Variants in NDUFS1 observed in about 807,000 individuals in gnomAD.
The protein encoded by NDUFS1 is NADH-ubiquinone oxidoreductase 75 kDa subunit, mitochondrial.
A neutral mutation model predicts 84.4 loss-of-function variants in NDUFS1; 61 were observed. The ratio of observed to expected loss-of-function variants is 0.72; its 90% CI spans 0.59 to 0.89. The LOEUF is 0.89. Among genes scored for constraint, NDUFS1 ranks in the 40% least tolerant of loss-of-function variants. NDUFS1 has a pLI of 0.00. For missense variants in NDUFS1, 891 were observed against 890.0 expected, an observed-to-expected ratio of 1.00 and a Z score of -0.01; for synonymous variants, 275 against 290.0, an observed-to-expected ratio of 0.95 and a Z score of 0.53.
chr2:206,129,822 C>T (rs1289922506), intron 15 of NDUFS1, among the ~76,000 whole-genome samples: 2 of 151,902 alleles, frequency 1.3e-5, no homozygotes, highest in Admixed American at 1.3e-4. Context: ...GAACTCCTGA[C>T]CTCAGGTGAT....
Position 206,149,933 on chromosome 2 carries a change from TAAAAAAAA to T in NDUFS1, c.154-16_154-9del. Reference sequence around the variant, plus strand: ...GCCAACCTTCTCACAAGCCTAGAAGTAAAAAAAAAAAAAAAAAAAAAAAAAGCATTAGA... The same window carrying T: ...GCCAACCTTCTCACAAGCCTAGAAGTAAAAAAAAAAAAAAAAAGCATTAGA... On this transcript the variant is annotated splice_polypyrimidine_tract_variant and intron_variant, in intron 3 of 18. Coordinates refer to ENST00000233190, the MANE Select transcript of NDUFS1 (RefSeq NM_005006.7). 592 of 601,252 alleles carry T rather than the reference TAAAAAAAA, an allele frequency of 9.8e-4. No individual in the cohort carries two copies. Among genetic ancestry groups the T allele is most frequent in the Middle Eastern group, 1.6e-3 (3 of 1,890 alleles). 37.2% of individuals were successfully genotyped at this position (601,252 alleles called of 1,614,324 possible). A position where few individuals can be genotyped will look rare whatever the true frequency, so the allele number is the denominator to read the frequency against.
intron 3 of NDUFS1, among the ~76,000 whole-genome samples, chr2:206,151,252 T>C (rs527258705): frequency 2.6e-5 from 4 of 152,348 alleles, no homozygotes; most frequent in African/African-American, 9.6e-5. Flanking sequence ...GACTGGACCT[T>C]CCCTTCCTCA....
intron 1 of NDUFS1, among the ~76,000 whole-genome samples, chr2:206,158,382 C>T (rs537131039): frequency 1.3e-5 from 2 of 152,326 alleles, no homozygotes; most frequent in South Asian, 4.1e-4. Context: ...TCCTTCAAAT[C>T]TTGGCTTAAA....
At chr2:206,155,113 ATTTATTTAT>A (rs1257681190) in intron 1 of NDUFS1, among the ~76,000 whole-genome samples, 1 of 149,878 alleles carries the variant, frequency 6.7e-6, no homozygotes, top group Non-Finnish European at 1.5e-5. Context: ...TATTTTTATT[ATTTATTTAT>A]TTTATTTATT....
intron 3 of NDUFS1, among the ~76,000 whole-genome samples, chr2:206,151,912 C>A (rs982851398): frequency 2.0e-5 from 3 of 152,184 alleles, no homozygotes; most frequent in Admixed American, 2.0e-4. Flanking sequence ...GTTGCCCAGG[C>A]TGGAGTGCAG....
At chr2:206,152,262 T>C (rs1692398087) in intron 3 of NDUFS1, among the ~76,000 whole-genome samples, 157 bp downstream of exon 3, 1 of 152,274 alleles carries the variant, frequency 6.6e-6, no homozygotes, top group Admixed American at 6.5e-5. Context: ...TAGCTCACTT[T>C]GAAGTGCCAA....
intron 1 of NDUFS1, among the ~76,000 whole-genome samples, chr2:206,155,533 T>A (rs1326419498): frequency 6.6e-6 from 1 of 152,150 alleles, no homozygotes; most frequent in Non-Finnish European, 1.5e-5. Context: ...CAAGCAATTC[T>A]CAGCCTCCCG....
At chr2:206,159,258 G>T (rs1431677185) in intron 1 of NDUFS1, 83 bp downstream of exon 1, 2 of 928,338 alleles carry the variant, frequency 2.2e-6, no homozygotes, top group East Asian at 2.6e-5. Flanking sequence ...AGACTACGTC[G>T]CGTGGGCCAA....
Position 206,130,113 on chromosome 2 carries a change from T to C in NDUFS1, c.1683A>G (p.Pro561=), listed in dbSNP as rs1691447442. The C allele has an allele frequency of 1.9e-6, 3 of 1,614,202 alleles. No individual in the cohort carries two copies. In the East Asian group the frequency reaches 6.7e-5, roughly 36 times the overall value. Residue 561 remains proline, a synonymous_variant, in exon 15 of 19, where the codon CCA becomes CCG. Transcript: ENST00000233190. The part of the protein sequence containing the change: ...DGGCITRQDL[P]KDCFIIYQGH... ...CTTGATAAATAATGAAACAATCCTT[T>C]GGCAAATCCTGTCGTGTGATACAAC...
At position 206,121,978 on chromosome 2, in the gene NDUFS1, T is replaced by C. The variant is rs1317813967; in HGVS notation, c.*2207A>G. The C allele has an allele frequency of 1.3e-5, 2 of 152,176 alleles. No individual in the cohort carries two copies. The highest frequency in any genetic ancestry group is 4.8e-5 in the African/African-American group (2 of 41,436). 9.4% of individuals were successfully genotyped at this position (152,176 alleles called of 1,614,324 possible). ...GAGCACAGTGCTAAGAGGTAAGAGA[T>C]GGGAAGTTTGTATTAAGTTCAAACA... On this transcript the variant is annotated 3_prime_UTR_variant, in exon 19 of 19. Coordinates refer to ENST00000233190, the MANE Select transcript of NDUFS1 (RefSeq NM_005006.7).
chr2:206,140,131 G>A (rs1175151211), intron 12 of NDUFS1, among the ~76,000 whole-genome samples: 1 of 152,124 alleles, frequency 6.6e-6, no homozygotes, highest in Non-Finnish European at 1.5e-5. Context: ...GAACACTTGA[G>A]CTCAGGAGTT....
rs2105943631 is a variant in NDUFS1, at chr2:206,126,612, C to T, written c.2020-1G>A. On this transcript the variant is annotated splice_acceptor_variant, in intron 17 of 18. Transcript: ENST00000233190. LOFTEE classifies it high-confidence loss of function. ...CAGCAAGAAGCTGCTGGTTCACTAG[C>T]TGCACAAAAAAGAAGAGATCAACAA... 1 of 1,614,010 alleles carries T rather than the reference C, an allele frequency of 6.2e-7. No homozygotes were observed. Among genetic ancestry groups the T allele is most frequent in the Non-Finnish European group, 8.5e-7 (1 of 1,179,992 alleles).
At chr2:206,154,840 G>C (rs1034265390) in intron 1 of NDUFS1, among the ~76,000 whole-genome samples, 3 of 151,622 alleles carry the variant, frequency 2.0e-5, no homozygotes, top group Admixed American at 6.6e-5. Context: ...GGCCAGGCTG[G>C]TCTCGAACTC....
rs572892566 is a variant in NDUFS1, at chr2:206,154,826, T to C, written c.-4-1144A>G. On this transcript the variant is annotated intron_variant, in intron 1 of 18. Transcript: ENST00000233190. ...CTTTAGTAGAGACAGGGTTTCACCA[T>C]GTTGGCCAGGCTGGTCTCGAACTCC... 7.2e-5 allele frequency among the ~76,000 whole-genome samples: 11 copies of C among 152,162 alleles called. No individual in the cohort carries two copies. In the South Asian group the frequency reaches 8.3e-4, roughly 11 times the overall value.
intron 13 of NDUFS1, among the ~76,000 whole-genome samples, chr2:206,136,061 G>GT (rs1691698831): frequency 1.4e-5 from 2 of 139,416 alleles, no homozygotes; most frequent in African/African-American, 2.7e-5. Flanking sequence ...TCTTCTTTTT[G>GT]TTTTTTTGAG....
rs1328837821 is a variant in NDUFS1, at chr2:206,120,511, A to G, written c.*3674T>C. 6.6e-6 allele frequency: 1 copy of G among 152,226 alleles called. No homozygotes were observed. Among genetic ancestry groups the G allele is most frequent in the Non-Finnish European group, 1.5e-5 (1 of 68,070 alleles). The allele number at this position is 152,226 out of a possible 1,614,324, so 9.4% of individuals were successfully genotyped here. A position where few individuals can be genotyped will look rare whatever the true frequency, so the allele number is the denominator to read the frequency against. Reference sequence around the variant, plus strand: ...TGGGAACAGGAATAAAGGTACATCTATGTCATGCTTTAGCAAATAGCTTGG... The same window carrying G: ...TGGGAACAGGAATAAAGGTACATCTGTGTCATGCTTTAGCAAATAGCTTGG... On this transcript the variant is annotated 3_prime_UTR_variant, in exon 19 of 19. Transcript: ENST00000233190.
At position 206,146,671 on chromosome 2, in the gene NDUFS1, A is replaced by G. The variant is rs7598779; in HGVS notation, c.737+232T>C. Among the ~76,000 whole-genome samples the G allele has an allele frequency of 0.026, 3,993 of 152,282 alleles. 178 individuals carry two copies. The highest frequency in any genetic ancestry group is 0.091 in the African/African-American group (3,799 of 41,522). On this transcript the variant is annotated intron_variant, in intron 8 of 18. Coordinates refer to ENST00000233190, the MANE Select transcript of NDUFS1 (RefSeq NM_005006.7). ...AAACTCTTTGGAAGAACACATGAAA[A>G]AAATAATTTTGTGGTTGAGTACTTT...
In NDUFS1 at chr2:206,125,070, T is replaced by C. The variant is rs556482461; in HGVS notation, c.2093-794A>G. ...TATGTTGCCCAGGCTGGTCTGAAACTCCTGGATTCAAGCCATCTGCCCCCC... is the reference window on the plus strand; with the variant it reads ...TATGTTGCCCAGGCTGGTCTGAAACCCCTGGATTCAAGCCATCTGCCCCCC... On this transcript the variant is annotated intron_variant, in intron 18 of 18. Coordinates refer to ENST00000233190, the MANE Select transcript of NDUFS1 (RefSeq NM_005006.7). Among the ~76,000 whole-genome samples the C allele has an allele frequency of 4.9e-5, 7 of 142,078 alleles. No homozygotes were observed. The East Asian group carries it at 1.4e-3, about 28-fold the overall frequency. 93.2% of individuals were successfully genotyped at this position (142,078 alleles called of 152,430 possible). A position where few individuals can be genotyped will look rare whatever the true frequency, so the allele number is the denominator to read the frequency against.
chr2:206,141,487 G>A (rs1033067055), intron 12 of NDUFS1, among the ~76,000 whole-genome samples: 5 of 151,188 alleles, frequency 3.3e-5, no homozygotes, highest in African/African-American at 4.9e-5. Flanking sequence ...AGCCGAGATC[G>A]CACCACTGCA....
Sources: gnomAD v4.1 joint callset for allele counts (sites outside exome capture counted in the v4.1 genomes callset) on GRCh38, gnomAD v4.1.1 for gene constraint, MANE v1.5 for transcripts, NCBI Gene and HGNC (gene_info 2026-07-23, HGNC 2026-07-21) for gene names.